The following NKAIN1 variants were observed in gnomAD, a reference collection of about 807,000 sequenced individuals.
NKAIN1 encodes sodium/potassium transporting ATPase interacting 1.
In NKAIN1, 13 loss-of-function variants were observed where a neutral mutation model predicts 31.6. That is an observed-to-expected ratio of 0.41 (90% CI 0.27 to 0.65). NKAIN1 has a LOEUF of 0.65. Ranked by LOEUF, NKAIN1 falls within the 30% of genes least tolerant of loss-of-function variation. The probability of loss-of-function intolerance (pLI) is 0.30; values close to 1 mark genes in which losing one functional copy is unlikely to be tolerated. For missense variants in NKAIN1, 193 were observed against 262.2 expected (o/e 0.74, Z 1.82); for synonymous variants, 104 against 109.0 (o/e 0.95, Z 0.28).
intron 1 of NKAIN1, among the ~76,000 whole-genome samples, chr1:31,208,022 C>A (rs1645437387): frequency 2.0e-5 from 3 of 152,126 alleles, no homozygotes; most frequent in Admixed American, 2.0e-4. Flanking sequence ...CCACAGATGG[C>A]CGCTGGGCCC....
At chr1:31,225,847 T>C (rs1011063935) in intron 1 of NKAIN1, among the ~76,000 whole-genome samples, 22 of 152,170 alleles carry the variant, frequency 1.4e-4, no homozygotes, top group African/African-American at 5.3e-4. Flanking sequence ...CTGGAGGCTG[T>C]AGGGAAGAGG....
chr1:31,198,673 G>A (rs915730718), intron 1 of NKAIN1, among the ~76,000 whole-genome samples: 3 of 151,962 alleles, frequency 2.0e-5, no homozygotes, highest in African/African-American at 4.8e-5. Context: ...CTCCAGAGTG[G>A]GGCCTCCCTG....
rs764371103 is a variant in NKAIN1, at chr1:31,184,031, C to T, written c.274-17G>A. 2 of 1,610,300 alleles carry T rather than the reference C, an allele frequency of 1.2e-6. No individual in the cohort carries two copies. The highest frequency in any genetic ancestry group is 1.1e-5 in the South Asian group (1 of 90,722). The stretch of plus-strand genomic sequence containing the variant: ...GTCCCGGTCCTGGGGGCAAAGGGGC[C>T]TGGGATACTGAGTGTGAGGGAGAGG... On this transcript the variant is annotated splice_polypyrimidine_tract_variant and intron_variant, in intron 3 of 6. Transcript: ENST00000373736.
chr1:31,196,393 G>A (rs1450845813), intron 1 of NKAIN1, among the ~76,000 whole-genome samples: 1 of 151,436 alleles, frequency 6.6e-6, no homozygotes, highest in Non-Finnish European at 1.5e-5. Context: ...GGCGCCTGTA[G>A]TCCCAGCTAC....
In NKAIN1 at chr1:31,200,061, G is replaced by A. The variant is rs542939259; in HGVS notation, c.55-11874C>T. On this transcript the variant is annotated intron_variant, in intron 1 of 6. Coordinates refer to ENST00000373736, the MANE Select transcript of NKAIN1 (RefSeq NM_024522.3). Reference sequence around the variant, plus strand: ...CACATGCACACGTGCACACACGCACGCGCACGCACGAACACATGCGCGCAC... The same window carrying A: ...CACATGCACACGTGCACACACGCACACGCACGCACGAACACATGCGCGCAC... Among the ~76,000 whole-genome samples, 375 of 145,308 alleles carry A rather than the reference G, an allele frequency of 2.6e-3. 2 individuals are homozygous for A. Among genetic ancestry groups the A allele is most frequent in the African/African-American group, 9.0e-3 (363 of 40,112 alleles).
chr1:31,230,802 C>T (rs1053643137), intron 1 of NKAIN1, among the ~76,000 whole-genome samples: 1 of 151,656 alleles, frequency 6.6e-6, no homozygotes, highest in South Asian at 2.1e-4. Context: ...ATCCACTGTG[C>T]AATCGTCACA....
chr1:31,182,954 C>A (rs1421276468), intron 4 of NKAIN1, among the ~76,000 whole-genome samples: 1 of 151,988 alleles, frequency 6.6e-6, no homozygotes, highest in Non-Finnish European at 1.5e-5. Context: ...CTTGGAGTTT[C>A]TTTCTTTCTT....
At chr1:31,234,558 T>C (rs905010877) in intron 1 of NKAIN1, among the ~76,000 whole-genome samples, 2 of 151,846 alleles carry the variant, frequency 1.3e-5, no homozygotes, top group African/African-American at 4.8e-5. Flanking sequence ...GGAAGCCCTT[T>C]CTACAACTCT....
chr1:31,227,791 G>A (rs543209793), intron 1 of NKAIN1, among the ~76,000 whole-genome samples: 1 of 152,148 alleles, frequency 6.6e-6, no homozygotes, highest in Non-Finnish European at 1.5e-5. Context: ...ATGGCCCCGG[G>A]CCATCCTGCT....
At chr1:31,198,742 A>G (rs1352976646) in intron 1 of NKAIN1, among the ~76,000 whole-genome samples, 1 of 36,068 alleles carries the variant, frequency 2.8e-5, no homozygotes, top group Non-Finnish European at 5.2e-5. Flanking sequence ...CTAATTATTT[A>G]TTTATCAGGT....
rs866827806 is a variant in NKAIN1 at position 31,239,869 on chromosome 1, C to A, written c.-322G>T. ...CAAGGAGAGCGAGCCCCGAGCGCGG[C>A]GCAGCGCAGAGCAGCACTGCCCAGC... On this transcript the variant is annotated 5_prime_UTR_variant, in exon 1 of 7. Transcript: ENST00000373736. This position sits in a 1 kb window ranked among gnomAD's most constrained non-coding sequence, Gnocchi z 4.8. Among the ~76,000 whole-genome samples, 3 of 152,030 alleles carry A rather than the reference C, an allele frequency of 2.0e-5. No homozygotes were observed. Among genetic ancestry groups the A allele is most frequent in the Admixed American group, 6.5e-5 (1 of 15,268 alleles).
intron 1 of NKAIN1, among the ~76,000 whole-genome samples, chr1:31,228,644 A>G (rs10914333): frequency 0.38 from 57,934 of 151,952 alleles, 14,081 homozygotes; most frequent in Non-Finnish European, 0.55. Context: ...TTGAGGCTGG[A>G]GTACAGCGGC....
At position 31,200,864 on chromosome 1, in the gene NKAIN1, C is replaced by T. The variant is rs189495686; in HGVS notation, c.55-12677G>A. Among the ~76,000 whole-genome samples the T allele has an allele frequency of 8.2e-4, 124 of 151,248 alleles. No individual in the cohort carries two copies. The East Asian group carries it at 0.023, about 28-fold the overall frequency. On this transcript the variant is annotated intron_variant, in intron 1 of 6. Coordinates refer to ENST00000373736, the MANE Select transcript of NKAIN1 (RefSeq NM_024522.3). ...AGTGCCTTTTTTTTTTTGACAGTCTCGCTCTGTCGCCCAGGCTGGAGCGCA... is the reference window on the plus strand; with the variant it reads ...AGTGCCTTTTTTTTTTTGACAGTCTTGCTCTGTCGCCCAGGCTGGAGCGCA...
intron 1 of NKAIN1, among the ~76,000 whole-genome samples, chr1:31,207,194 C>G (rs561547231): frequency 6.6e-6 from 1 of 152,272 alleles, no homozygotes; most frequent in South Asian, 2.1e-4. Flanking sequence ...AGGAGCCAAA[C>G]TATCTGGGTT....
intron 1 of NKAIN1, among the ~76,000 whole-genome samples, chr1:31,194,715 TTTTTC>T (rs1645310457): frequency 1.3e-5 from 2 of 151,050 alleles, no homozygotes; most frequent in African/African-American, 2.4e-5. Flanking sequence ...CCTGCTTTCT[TTTTTC>T]TTTTCATTTC....
intron 1 of NKAIN1, among the ~76,000 whole-genome samples, chr1:31,189,298 T>G (rs1052982751): frequency 6.6e-6 from 1 of 151,708 alleles, no homozygotes; most frequent in African/African-American, 2.4e-5. Context: ...AAATGGTCGT[T>G]TATTTTTTAT....
Position 31,190,452 on chromosome 1 carries a change from G to C in NKAIN1, c.55-2265C>G, listed in dbSNP as rs75770416. 4.0e-3 allele frequency among the ~76,000 whole-genome samples: 616 copies of C among 152,334 alleles called. 38 individuals carry two copies. The East Asian group carries it at 0.099, about 24-fold the overall frequency. On this transcript the variant is annotated intron_variant, in intron 1 of 6. Transcript: ENST00000373736. The stretch of plus-strand genomic sequence containing the variant: ...GGAAAGAGAACATGAGGCTCAGAGA[G>C]GGGAAGTGACTTGTCCAAGGTCACA...
chr1:31,190,794 C>G (rs1352205053), intron 1 of NKAIN1, among the ~76,000 whole-genome samples: 1 of 152,184 alleles, frequency 6.6e-6, no homozygotes, highest in African/African-American at 2.4e-5. Flanking sequence ...CTGCTCCTAT[C>G]CCACACTTCC....
At chr1:31,200,045 A>G (rs2377722) in intron 1 of NKAIN1, among the ~76,000 whole-genome samples, 17,679 of 151,402 alleles carry the variant, frequency 0.12, 1,842 homozygotes, top group African/African-American at 0.28. Flanking sequence ...ACACATGCAC[A>G]CGTGCACACA....
Sources: allele counts gnomAD v4.1 joint callset (sites outside exome capture counted in the v4.1 genomes callset), GRCh38; gene constraint gnomAD v4.1.1; non-coding constraint Gnocchi (gnomAD v3.1); transcripts MANE v1.5; gene names NCBI Gene and HGNC (gene_info 2026-07-23, HGNC 2026-07-21).